EYS: variants seen among roughly 807,000 people sequenced by gnomAD.
EYS encodes the protein protein eyes shut homolog.
EYS carries 250 observed loss-of-function variants against 282.1 expected under a neutral mutation model. The ratio of observed to expected loss-of-function variants is 0.89; its 90% CI spans 0.80 to 0.98. The LOEUF (loss-of-function observed/expected upper bound fraction) is 0.98, where lower values mean the gene tolerates loss of function less well. EYS is among the 50% of genes least tolerant of loss of function. The pLI, the probability that EYS is intolerant of heterozygous loss-of-function variation, is 0.00. For synonymous variants in EYS, 1,355 were observed against 1,282.9 expected (o/e 1.06, Z -1.20); for missense variants, 4,016 against 3,709.0 (o/e 1.08, Z -2.15).
At chr6:64,399,996 C>G (rs1192109317) in intron 28 of EYS, among the ~76,000 whole-genome samples, 2 of 151,754 alleles carry the variant, frequency 1.3e-5, no homozygotes, top group East Asian at 3.9e-4. Flanking sequence ...AGGTGATTAG[C>G]CTTTGACTAT....
At chr6:64,150,152 A>C (rs1364146279) in intron 31 of EYS, among the ~76,000 whole-genome samples, 1 of 152,220 alleles carries the variant, frequency 6.6e-6, no homozygotes, top group East Asian at 1.9e-4. Flanking sequence ...GAAATGTGGA[A>C]TCTCAGGCCC....
chr6:65,040,722 A>G (rs1490568287), intron 13 of EYS, among the ~76,000 whole-genome samples: 1 of 151,620 alleles, frequency 6.6e-6, no homozygotes, highest in African/African-American at 2.4e-5. Context: ...CTTAGAACCA[A>G]TGTTCTAAAA....
intron 22 of EYS, among the ~76,000 whole-genome samples, chr6:64,639,474 A>G (rs1260860795): frequency 1.1e-5 from 1 of 91,460 alleles, no homozygotes; most frequent in African/African-American, 4.2e-5. Context: ...TCTATAAATT[A>G]AAAAGCGTTT....
chr6:64,560,826 G>A (rs952816044), intron 26 of EYS, among the ~76,000 whole-genome samples: 6 of 152,112 alleles, frequency 3.9e-5, no homozygotes, highest in Non-Finnish European at 5.9e-5. Flanking sequence ...AAGTGCAGAC[G>A]ATAAAGAATA....
intron 12 of EYS, among the ~76,000 whole-genome samples, chr6:65,058,013 C>G (rs35851904): frequency 0.082 from 12,498 of 151,994 alleles, 653 homozygotes; most frequent in Middle Eastern, 0.15. Flanking sequence ...GCTAGAGAGT[C>G]TAGAGATGGT....
intron 2 of EYS, among the ~76,000 whole-genome samples, chr6:65,613,838 T>C (rs936487655): frequency 5.3e-5 from 8 of 151,930 alleles, no homozygotes; most frequent in African/African-American, 1.9e-4. Context: ...ATTTCCTACT[T>C]TGATAACTTC....
Position 64,486,716 on chromosome 6 carries a change from T to C in EYS, c.5645-47364A>G, listed in dbSNP as rs1013799722. Among the ~76,000 whole-genome samples, 12 of 151,436 alleles carry C rather than the reference T, an allele frequency of 7.9e-5. No homozygotes were observed. In the South Asian group the frequency reaches 1.5e-3, roughly 18 times the overall value. ...AACCAAAAGTCAACGTAGAATAATA[T>C]AGAATCATGAATCCCCAAGGAACCC... On this transcript the variant is annotated intron_variant, in intron 26 of 42. Transcript: ENST00000503581.
chr6:65,368,615 T>A (rs1472729200), intron 8 of EYS, among the ~76,000 whole-genome samples: 1 of 151,758 alleles, frequency 6.6e-6, no homozygotes, highest in Non-Finnish European at 1.5e-5. Flanking sequence ...TTCTTCCAAG[T>A]AAAAGCACAT....
intron 40 of EYS, among the ~76,000 whole-genome samples, chr6:63,772,456 T>C (rs114720102): frequency 0.011 from 1,636 of 152,276 alleles, 21 homozygotes; most frequent in African/African-American, 0.038. Context: ...ATCTATGTGT[T>C]ATATAAATAT....
intron 23 of EYS, among the ~76,000 whole-genome samples, chr6:64,618,398 G>C (rs1207006700): frequency 6.6e-6 from 1 of 152,088 alleles, no homozygotes; most frequent in Non-Finnish European, 1.5e-5. Context: ...TAGGGACAAT[G>C]GGTCTTTACA....
intron 19 of EYS, among the ~76,000 whole-genome samples, chr6:64,884,545 C>T (rs1002063553): frequency 1.3e-5 from 2 of 151,112 alleles, no homozygotes; most frequent in African/African-American, 2.4e-5. Flanking sequence ...GAACATCTCA[C>T]AAAACAGTAA....
chr6:65,683,011 T>C (rs1028954754), intron 1 of EYS, among the ~76,000 whole-genome samples: 3 of 152,036 alleles, frequency 2.0e-5, no homozygotes, highest in Admixed American at 2.0e-4. Flanking sequence ...AACAGTACTA[T>C]GTTCAGATAT....
chr6:65,392,187 C>T (rs1227532551), intron 7 of EYS, among the ~76,000 whole-genome samples: 1 of 151,504 alleles, frequency 6.6e-6, no homozygotes, highest in African/African-American at 2.4e-5. Context: ...GGATTAAAGA[C>T]TTAAACGTTA....
At chr6:64,093,545 GCT>G in intron 31 of EYS, among the ~76,000 whole-genome samples, 1 of 152,086 alleles carries the variant, frequency 6.6e-6, no homozygotes, top group East Asian at 1.9e-4. Context: ...TCATGATTTG[GCT>G]CTCTGTTTGT....
At chr6:65,395,470 T>C (rs1055527251) in intron 7 of EYS, among the ~76,000 whole-genome samples, 2 of 152,308 alleles carry the variant, frequency 1.3e-5, no homozygotes, top group East Asian at 1.9e-4. Flanking sequence ...TATTATATAG[T>C]GTGAAATGAT....
chr6:64,510,061 G>T (rs1346218977), intron 26 of EYS, among the ~76,000 whole-genome samples: 3 of 152,062 alleles, frequency 2.0e-5, no homozygotes, highest in Non-Finnish European at 4.4e-5. Context: ...GCAAATGGTT[G>T]CATATTGGTA....
chr6:65,179,924 T>C (rs1346006595), intron 12 of EYS, among the ~76,000 whole-genome samples: 8 of 152,030 alleles, frequency 5.3e-5, no homozygotes, highest in African/African-American at 1.7e-4. Context: ...ATAAATGTAA[T>C]CCAGCATATA....
chr6:64,434,273 G>T (rs938391559), intron 28 of EYS, among the ~76,000 whole-genome samples: 1 of 152,036 alleles, frequency 6.6e-6, no homozygotes, highest in African/African-American at 2.4e-5. Context: ...TTGCAATTGT[G>T]AGATTAAATT....
intron 9 of EYS, among the ~76,000 whole-genome samples, chr6:65,344,835 T>C (rs1182080255): frequency 6.6e-6 from 1 of 151,540 alleles, no homozygotes. Context: ...TCATTAATAG[T>C]GGTAATAAAA....
Sources: allele counts gnomAD v4.1 joint callset (sites outside exome capture counted in the v4.1 genomes callset), GRCh38; gene constraint gnomAD v4.1.1; transcripts MANE v1.5; gene names NCBI Gene and HGNC (gene_info 2026-07-23, HGNC 2026-07-21).